MORC3: variants seen among roughly 807,000 people sequenced by gnomAD.
MORC3 encodes MORC family CW-type zinc finger 3.
Under a neutral mutation model 109.1 loss-of-function variants are expected in MORC3, and 31 were observed. That is an observed-to-expected ratio of 0.28 (90% CI 0.21 to 0.38). The LOEUF is 0.38. MORC3 is among the 10% of genes least tolerant of loss of function. The pLI, the probability that MORC3 is intolerant of heterozygous loss-of-function variation, is 1.00. For missense variants in MORC3, 867 were observed against 1,135.8 expected, an observed-to-expected ratio of 0.76 and a Z score of 3.40; for synonymous variants, 395 against 380.7, an observed-to-expected ratio of 1.04 and a Z score of -0.44.
intron 8 of MORC3, chr21:36,348,237 T>C (rs928914783): frequency 1.3e-5 from 2 of 152,224 alleles, no homozygotes; most frequent in African/African-American, 4.8e-5. Flanking sequence ...ACTTCATTGT[T>C]AGCAACTGGA....
Position 36,369,962 on chromosome 21 carries a change from C to G in MORC3, c.2508+86C>G. ...TGCCAGTTGGCTGGGCGCGGTGGCT[C>G]ATACCTGTAATCCCACCACTTGGGG... is the stretch of plus-strand genomic sequence containing the variant. On this transcript the variant is annotated intron_variant, in intron 15 of 16. Coordinates refer to ENST00000400485, the MANE Select transcript of MORC3 (RefSeq NM_015358.3). 2.7e-6 allele frequency: 4 copies of G among 1,486,048 alleles called. No homozygotes were observed. In the South Asian group the frequency reaches 5.1e-5, roughly 19 times the overall value. The allele number at this position is 1,486,048 out of a possible 1,614,324, so 92.1% of individuals were successfully genotyped here. A position where few individuals can be genotyped will look rare whatever the true frequency, so the allele number is the denominator to read the frequency against.
intron 2 of MORC3, among the ~76,000 whole-genome samples, chr21:36,334,585 C>G (rs2085354158): frequency 6.6e-6 from 1 of 152,136 alleles, no homozygotes; most frequent in South Asian, 2.1e-4. Context: ...CAAGTGTGCA[C>G]CACAGTGACT....
chr21:36,344,870 T>C (rs1416706511), intron 7 of MORC3, 42 bp from the exon 8 acceptor site: 1 of 1,606,608 alleles, frequency 6.2e-7, no homozygotes, highest in Admixed American at 1.7e-5. Context: ...TGATTTGAAC[T>C]GAGTGAGGTG....
At chr21:36,341,098 A>G (rs1412186179) in intron 5 of MORC3, among the ~76,000 whole-genome samples, 2 of 152,206 alleles carry the variant, frequency 1.3e-5, no homozygotes, top group Non-Finnish European at 2.9e-5. Flanking sequence ...CATTTTTCTG[A>G]AATAAATATC....
intron 9 of MORC3, among the ~76,000 whole-genome samples, chr21:36,351,824 A>T (rs952903555): frequency 3.9e-5 from 6 of 152,230 alleles, no homozygotes; most frequent in African/African-American, 1.4e-4. Context: ...TTGAACAATC[A>T]CATGGCTGGA....
chr21:36,373,525 A>C (rs2146346668), intron 16 of MORC3, among the ~76,000 whole-genome samples: 1 of 152,166 alleles, frequency 6.6e-6, no homozygotes, highest in East Asian at 1.9e-4. Flanking sequence ...TGGGAGGCTG[A>C]GGCAGGAGAA....
Position 36,369,728 on chromosome 21 carries a change from G to A in MORC3, c.2360G>A (p.Cys787Tyr). ...GAAATAGAAAGGCTGAAAAAACAAT[G>A]TAGTGCTTTGCAACATGTAAAGGCT... ...LEEIERLKKQ[C>Y]SALQHVKAEC... is the part of the protein sequence containing the mutation. The change falls in exon 15 of 17, where the codon TGT becomes TAT. Residue 787 changes from cysteine (C) to tyrosine (Y), a missense_variant. Cys to Tyr is a radical substitution (Grantham distance 194). Coordinates refer to ENST00000400485, the MANE Select transcript of MORC3 (RefSeq NM_015358.3). The A allele has an allele frequency of 2.5e-6, 4 of 1,614,184 alleles. No individual in the cohort carries two copies. In the East Asian group the frequency reaches 6.7e-5, roughly 27 times the overall value.
chr21:36,342,974 G>A (rs975629040), intron 6 of MORC3, among the ~76,000 whole-genome samples: 4 of 151,208 alleles, frequency 2.6e-5, no homozygotes, highest in South Asian at 2.1e-4. Context: ...AGCCAAGACC[G>A]CACCATTACA....
At chr21:36,339,988 C>A (rs2085422277) in intron 5 of MORC3, among the ~76,000 whole-genome samples, 1 of 152,072 alleles carries the variant, frequency 6.6e-6, no homozygotes, top group Non-Finnish European at 1.5e-5. Flanking sequence ...TCTAACAAAA[C>A]TATAGTACAG....
intron 1 of MORC3, among the ~76,000 whole-genome samples, chr21:36,329,269 T>A (rs559010688): frequency 6.6e-6 from 1 of 150,742 alleles, no homozygotes; most frequent in Non-Finnish European, 1.5e-5. Flanking sequence ...CACTCCAGCC[T>A]GGGCAACAGA....
chr21:36,329,068 G>A (rs944695073), intron 1 of MORC3, among the ~76,000 whole-genome samples: 29 of 152,098 alleles, frequency 1.9e-4, no homozygotes, highest in Admixed American at 5.9e-4. Flanking sequence ...CGAGGTGGGC[G>A]GATCGCCTGA....
rs534026465 is a variant in MORC3 at position 36,356,998 on chromosome 21, A to C, written c.1208+274A>C. 3.9e-5 allele frequency among the ~76,000 whole-genome samples: 6 copies of C among 152,330 alleles called. No homozygotes were observed. The South Asian group carries it at 1.2e-3, about 32-fold the overall frequency. ...GGATGGATTATATAATAGTTTGAAA[A>C]ACACTGGTATAGTGTATCATTAGGA... On this transcript the variant is annotated intron_variant, in intron 10 of 16. Coordinates refer to ENST00000400485, the MANE Select transcript of MORC3 (RefSeq NM_015358.3).
chr21:36,344,887 T>A (rs1214213311), intron 7 of MORC3, 25 bp from the exon 8 acceptor site: 21 of 1,609,948 alleles, frequency 1.3e-5, no homozygotes, highest in Non-Finnish European at 1.8e-5. Context: ...GGTGTTGTGT[T>A]CAAAATTTAC....
chr21:36,365,691 C>A (rs2085772872), intron 14 of MORC3, among the ~76,000 whole-genome samples: 5 of 152,166 alleles, frequency 3.3e-5, no homozygotes, highest in Admixed American at 3.3e-4. Context: ...TGCGATTCCC[C>A]CACCTCAGCG....
At chr21:36,344,537 G>A in intron 6 of MORC3, 42 bp from the exon 7 acceptor site, 3 of 1,592,526 alleles carry the variant, frequency 1.9e-6, no homozygotes, top group Non-Finnish European at 2.6e-6. Flanking sequence ...GTAATGGTGA[G>A]CAAACCTGTA....
At position 36,338,654 on chromosome 21, in the gene MORC3, A is replaced by C. The variant is rs956325767; in HGVS notation, c.461-120A>C. On this transcript the variant is annotated intron_variant, in intron 4 of 16. Transcript: ENST00000400485. ...ATAGTGAGACCCTATCTCACAAAAA[A>C]AAAAACCTTAGAAAATTATTTATAA... 6 of 1,058,068 alleles carry C rather than the reference A, an allele frequency of 5.7e-6. No homozygotes were observed. The Admixed American group carries it at 8.9e-5, about 16-fold the overall frequency. The allele number at this position is 1,058,068 out of a possible 1,614,324, so 65.5% of individuals were successfully genotyped here.
intron 1 of MORC3, among the ~76,000 whole-genome samples, chr21:36,326,733 A>C (rs918312243): frequency 6.6e-6 from 1 of 151,726 alleles, no homozygotes; most frequent in Non-Finnish European, 1.5e-5. Context: ...CGGTTCATCC[A>C]TGTTGTAGTG....
rs1310640908 is a variant in MORC3, at chr21:36,345,039, T to A, written c.1005+8T>A. 1.9e-6 allele frequency: 3 copies of A among 1,578,966 alleles called. No homozygotes were observed. Among genetic ancestry groups the A allele is most frequent in the Non-Finnish European group, 2.6e-6 (3 of 1,169,736 alleles). ...GTTGGATGTCAGTTAAGGGTAAGCT[T>A]TATTTTTTATTTGAAAAGAAAATGT... On this transcript the variant is annotated splice_region_variant and intron_variant, in intron 8 of 16. Coordinates refer to ENST00000400485, the MANE Select transcript of MORC3 (RefSeq NM_015358.3).
chr21:36,343,471 CAG>C (rs2085474321), intron 6 of MORC3, among the ~76,000 whole-genome samples: 3 of 128,400 alleles, frequency 2.3e-5, no homozygotes, highest in South Asian at 2.5e-4. Context: ...TTTTTTGAGA[CAG>C]AGTCTCACTC....
Sources: gnomAD v4.1 joint callset for allele counts (sites outside exome capture counted in the v4.1 genomes callset) on GRCh38, gnomAD v4.1.1 for gene constraint, MANE v1.5 for transcripts, NCBI Gene and HGNC (gene_info 2026-07-23, HGNC 2026-07-21) for gene names.